Variants in PDE4D observed in about 807,000 individuals in gnomAD.
The protein encoded by PDE4D is 3',5'-cyclic-AMP phosphodiesterase 4D.
A neutral mutation model predicts 87.4 loss-of-function variants in PDE4D; 24 were observed. The observed-to-expected ratio is 0.27, with a 90% confidence interval of 0.20 to 0.39. PDE4D has a LOEUF of 0.39. Ranked by LOEUF, PDE4D falls within the 10% of genes least tolerant of loss-of-function variation. PDE4D has a pLI of 1.00. For missense variants in PDE4D, 714 were observed against 1,041.0 expected (o/e 0.69, Z 4.32); for synonymous variants, 384 against 383.2 (o/e 1.00, Z -0.02).
chr5:60,068,238 G>T (rs1284279767), intron 2 of PDE4D, among the ~76,000 whole-genome samples: 1 of 151,702 alleles, frequency 6.6e-6, no homozygotes, highest in African/African-American at 2.4e-5. Flanking sequence ...GCTATTTTCT[G>T]TTTTTTTTAA....
chr5:60,492,078 C>T (rs1170830340), upstream of PDE4D, among the ~76,000 whole-genome samples: 1 of 150,056 alleles, frequency 6.7e-6, no homozygotes, highest in Non-Finnish European at 1.5e-5. Context: ...ACATATGTAA[C>T]TAACCTGCAC....
In PDE4D at chr5:58,989,853, C is replaced by T. The variant is rs913974941; in HGVS notation, c.1354G>A (p.Glu452Lys). The T allele has an allele frequency of 6.3e-7, 1 of 1,580,200 alleles. No individual in the cohort carries two copies. Among genetic ancestry groups the T allele is most frequent in the Non-Finnish European group, 8.7e-7 (1 of 1,149,630 alleles). Residue 452 changes from glutamate to lysine, a missense_variant, in exon 10 of 15, where the codon GAA (glutamate) becomes AAA (lysine). Coordinates refer to ENST00000340635, the MANE Select transcript of PDE4D (RefSeq NM_001104631.2). ...DTLITYLMTL[E>K]DHYHADVAYH... Reference sequence around the variant, plus strand: ...GCCACATCAGCATGGTAATGGTCTTCGAGAGTCATAAGATATGTAATTAAA... The same window carrying T: ...GCCACATCAGCATGGTAATGGTCTTTGAGAGTCATAAGATATGTAATTAAA...
At chr5:59,356,932 C>G in intron 1 of PDE4D, 1 of 1,413,608 alleles carries the variant, frequency 7.1e-7, no homozygotes, top group Non-Finnish European at 9.1e-7. Flanking sequence ...CCGCACGGAG[C>G]AGGAGGCACT....
intron 1 of PDE4D, among the ~76,000 whole-genome samples, chr5:60,515,590 C>CTT (rs1453992308): frequency 1.6e-5 from 2 of 123,334 alleles, no homozygotes; most frequent in African/African-American, 7.2e-5. Flanking sequence ...GCTTTCTTTC[C>CTT]TTTTCTTTTT....
chr5:60,327,638 C>T (rs6874690), intron 1 of PDE4D, among the ~76,000 whole-genome samples: 8,862 of 151,924 alleles, frequency 0.058, 842 homozygotes, highest in African/African-American at 0.2. Context: ...CGTGTATGTG[C>T]GAGCCAAAAC....
chr5:60,255,995 T>C (rs960121152), intron 1 of PDE4D, among the ~76,000 whole-genome samples: 11 of 151,948 alleles, frequency 7.2e-5, no homozygotes, highest in Admixed American at 6.6e-5. Flanking sequence ...CCTGGACACA[T>C]TTGTTGTCAA....
chr5:59,172,866 G>T (rs1421429891), intron 5 of PDE4D: 1 of 151,792 alleles, frequency 6.6e-6, no homozygotes, highest in Non-Finnish European at 1.5e-5. Context: ...CATATATAAG[G>T]TGCATGGAAA....
chr5:59,083,377 T>C (rs1767112577), intron 5 of PDE4D, among the ~76,000 whole-genome samples: 1 of 152,138 alleles, frequency 6.6e-6, no homozygotes, highest in Non-Finnish European at 1.5e-5. Flanking sequence ...ATCTGAGGAC[T>C]TGAATTACTC....
intron 1 of PDE4D, among the ~76,000 whole-genome samples, chr5:59,873,741 C>A (rs1030031859): frequency 6.6e-6 from 1 of 152,142 alleles, no homozygotes; most frequent in Non-Finnish European, 1.5e-5. Context: ...CAGGCCATGG[C>A]GTTTTACATT....
chr5:60,082,208 T>C (rs1022229511), intron 2 of PDE4D, among the ~76,000 whole-genome samples: 9 of 152,176 alleles, frequency 5.9e-5, no homozygotes, highest in Admixed American at 5.2e-4. Context: ...GTAGGGCCTT[T>C]GGGAGGTAAT....
chr5:59,914,366 C>G (rs1199968889), intron 3 of PDE4D, among the ~76,000 whole-genome samples: 1 of 152,018 alleles, frequency 6.6e-6, no homozygotes, highest in Non-Finnish European at 1.5e-5. Context: ...GGAAAGTCCT[C>G]TCTGTTGAGG....
intron 5 of PDE4D, among the ~76,000 whole-genome samples, chr5:59,075,283 C>T (rs957814838): frequency 8.5e-5 from 13 of 152,110 alleles, no homozygotes; most frequent in African/African-American, 3.1e-4. Flanking sequence ...CATGATGAAA[C>T]TTATTTCTTT....
At chr5:60,135,409 C>T (rs1057126172) in intron 2 of PDE4D, among the ~76,000 whole-genome samples, 3 of 152,174 alleles carry the variant, frequency 2.0e-5, no homozygotes, top group African/African-American at 7.2e-5. Flanking sequence ...TCTGCCTCTA[C>T]TTAACATCTC....
intron 1 of PDE4D, among the ~76,000 whole-genome samples, chr5:59,685,225 G>T (rs544406555): frequency 6.6e-6 from 1 of 152,276 alleles, no homozygotes; most frequent in African/African-American, 2.4e-5. Flanking sequence ...CAAGTGGCAA[G>T]GAATTTATAA....
chr5:58,978,725 G>A (rs1033095186), intron 11 of PDE4D, among the ~76,000 whole-genome samples: 1 of 151,954 alleles, frequency 6.6e-6, no homozygotes, highest in Non-Finnish European at 1.5e-5. Context: ...GTAGGGAGTA[G>A]GTTTGTACAG....
At position 59,403,394 on chromosome 5, in the gene PDE4D, A is replaced by C. The variant is rs950627836; in HGVS notation, c.456-187426T>G. 2.1e-3 allele frequency among the ~76,000 whole-genome samples: 313 copies of C among 152,076 alleles called. 8 individuals carry two copies. The highest frequency in any genetic ancestry group is 0.02 in the Admixed American group (310 of 15,262). On this transcript the variant is annotated intron_variant, in intron 1 of 14. Transcript: ENST00000340635. The stretch of plus-strand genomic sequence containing the variant: ...GTTGAGCTATCAAATACCAGATCTT[A>C]TTTGTTCTATCTAATTATATTTTTG...
chr5:59,213,164 T>G (rs1005637469), intron 2 of PDE4D, among the ~76,000 whole-genome samples: 1 of 134,318 alleles, frequency 7.4e-6, no homozygotes, highest in Non-Finnish European at 1.6e-5. Context: ...CCTTCTTCTT[T>G]TTTTCTTTTT....
intron 1 of PDE4D, among the ~76,000 whole-genome samples, chr5:59,711,047 AGG>A (rs1754126690): frequency 6.6e-6 from 1 of 152,182 alleles, no homozygotes; most frequent in Non-Finnish European, 1.5e-5. Context: ...CACCTCTTAG[AGG>A]GTTCTCTATT....
chr5:59,107,398 G>A (rs1417382995), intron 5 of PDE4D, among the ~76,000 whole-genome samples: 2 of 152,058 alleles, frequency 1.3e-5, no homozygotes, highest in African/African-American at 2.4e-5. Context: ...TAGTAGAGAC[G>A]GGGTTTCATC....
Sources: allele counts gnomAD v4.1 joint callset (sites outside exome capture counted in the v4.1 genomes callset), GRCh38; gene constraint gnomAD v4.1.1; transcripts MANE v1.5; gene names NCBI Gene and HGNC (gene_info 2026-07-23, HGNC 2026-07-21).